Variants in F5 observed in about 807,000 individuals in gnomAD.
F5 encodes the protein coagulation factor V, also known as activated protein c cofactor.
Under a neutral mutation model 216.4 loss-of-function variants are expected in F5, and 138 were observed. That is an observed-to-expected ratio of 0.64 (90% CI 0.56 to 0.73). The LOEUF is 0.73. F5 is among the 30% of genes least tolerant of loss of function. The pLI is 0.00. For synonymous variants in F5, 916 were observed against 930.7 expected, an observed-to-expected ratio of 0.98 and a Z score of 0.29; for missense variants, 2,403 against 2,674.0, an observed-to-expected ratio of 0.90 and a Z score of 2.24.
At position 169,512,845 on chromosome 1, in the gene F5, A is replaced by G. The variant is rs1364090260; in HGVS notation, c.*1468T>C. 2.0e-5 allele frequency among the ~76,000 whole-genome samples: 3 copies of G among 152,060 alleles called. No homozygotes were observed. The highest frequency in any genetic ancestry group is 6.6e-5 in the Admixed American group (1 of 15,238). ...CTCCCAGTGAATTATGCCTCCTGGTATGTGGTCCTTATGCAGTTCCCTTCT... is the reference window on the plus strand; with the variant it reads ...CTCCCAGTGAATTATGCCTCCTGGTGTGTGGTCCTTATGCAGTTCCCTTCT... On this transcript the variant is annotated 3_prime_UTR_variant, in exon 25 of 25. Coordinates refer to ENST00000367797, the MANE Select transcript of F5 (RefSeq NM_000130.5).
chr1:169,550,373 AT>A (rs1660141157), intron 9 of F5, among the ~76,000 whole-genome samples: 1 of 146,664 alleles, frequency 6.8e-6, no homozygotes, highest in South Asian at 2.1e-4. Flanking sequence ...TTCTTTAAAT[AT>A]TCTACTTGGA....
chr1:169,582,595 A>G, intron 1 of F5, 73 bp from the exon 2 acceptor site: 1 of 763,958 alleles, frequency 1.3e-6, no homozygotes. Context: ...AAAAAAGTAG[A>G]TCTCTCATAT....
At chr1:169,532,215 T>C (rs1659607497) in intron 14 of F5, among the ~76,000 whole-genome samples, 1 of 152,174 alleles carries the variant, frequency 6.6e-6, no homozygotes, top group African/African-American at 2.4e-5. Context: ...ATAGGAGCCA[T>C]CTATGACAAA....
At chr1:169,567,593 T>A (rs1660635401) in intron 3 of F5, among the ~76,000 whole-genome samples, 1 of 151,738 alleles carries the variant, frequency 6.6e-6, no homozygotes, top group African/African-American at 2.4e-5. Flanking sequence ...TGCTCAAAAT[T>A]ATCAGCAAAA....
At chr1:169,534,604 G>T (rs1294335912) in intron 14 of F5, among the ~76,000 whole-genome samples, 2 of 151,726 alleles carry the variant, frequency 1.3e-5, no homozygotes, top group East Asian at 3.9e-4. Flanking sequence ...GGAGGCAGAG[G>T]TTGCAGTGAG....
At chr1:169,534,494 C>G (rs1015243920) in intron 14 of F5, among the ~76,000 whole-genome samples, 2 of 151,966 alleles carry the variant, frequency 1.3e-5, no homozygotes. Flanking sequence ...ATGGTAAAAC[C>G]CTGTCTCTAC....
Position 169,542,395 on chromosome 1 carries a change from C to G in F5, c.2695G>C (p.Gly899Arg). The G allele has an allele frequency of 6.2e-7, 1 of 1,614,058 alleles. No individual in the cohort carries two copies. Among genetic ancestry groups the G allele is most frequent in the Non-Finnish European group, 8.5e-7 (1 of 1,179,978 alleles). ...CAGGGCCTCATTCCGGAAGGAGAAC[C>G]AGTGTCTTGGCTTAGGTGTCTCCCA... ...KVGRHLSQDT[G>R]SPSGMRPWED... The change falls in exon 13 of 25, where the codon GGT (glycine) becomes CGT (arginine). Residue 899 changes from glycine to arginine, a missense_variant. Physicochemically the swap from Gly to Arg is moderately radical, Grantham distance 125 (BLOSUM62 -2). Around this residue, in one of 4 missense-constraint regions of F5, gnomAD observed 1,425 missense variants for 1,554.8 expected, o/e 0.92. Transcript: ENST00000367797.
In F5 at chr1:169,542,720, G is replaced by A. The variant is rs2101820142; in HGVS notation, c.2370C>T (p.Asn790=). 1 of 1,614,108 alleles carries A rather than the reference G, an allele frequency of 6.2e-7. No individual in the cohort carries two copies. Among genetic ancestry groups the A allele is most frequent in the East Asian group, 2.2e-5 (1 of 44,878 alleles). ...PSNISKFTVN[N]LAEPQKAPSH... ...AAGGGGCTTTCTGAGGTTCTGCAAG[G>A]TTATTGACAGTGAACTTACTAATAT... Residue 790 remains asparagine (N), a synonymous_variant, in exon 13 of 25, where the codon AAC becomes AAT. Coordinates refer to ENST00000367797, the MANE Select transcript of F5 (RefSeq NM_000130.5).
chr1:169,556,256 CTTTCTACAACTTA>C (rs1660321864), intron 6 of F5, among the ~76,000 whole-genome samples: 1 of 151,830 alleles, frequency 6.6e-6, no homozygotes, highest in Admixed American at 6.6e-5. Context: ...AACTTTTACA[CTTTCTACAACTTA>C]GTGCTTCTGT....
chr1:169,566,580 G>A (rs1660605165), intron 3 of F5, among the ~76,000 whole-genome samples: 1 of 150,502 alleles, frequency 6.6e-6, no homozygotes, highest in Non-Finnish European at 1.5e-5. Context: ...CTAGATAGTG[G>A]GAGAAAGCAC....
In F5 at chr1:169,540,581, T is replaced by C. The variant is rs139307328; in HGVS notation, c.4509A>G (p.Leu1503=). Residue 1503 remains leucine, a synonymous_variant, in exon 13 of 25, where the codon CTA becomes CTG. Transcript: ENST00000367797. ...PSSPTLNDTF[L]SKEFNPLVIV... is the part of the protein sequence containing the mutation. ...TAACCAGTGGATTAAATTCCTTTGA[T>C]AGAAAAGTATCATTGAGAGTAGGAG... 4.2e-5 allele frequency: 67 copies of C among 1,614,008 alleles called. No individual in the cohort carries two copies. In the African/African-American group the frequency reaches 7.9e-4, roughly 19 times the overall value.
rs369516642 is a variant in F5 at position 169,530,817 on chromosome 1, C to T, written c.5177G>A (p.Arg1726Gln). The T allele has an allele frequency of 8.9e-5, 144 of 1,613,740 alleles. No homozygotes were observed. The highest frequency in any genetic ancestry group is 1.6e-4 in the Middle Eastern group (1 of 6,078). ...CACAGCTGAGTAGTAGGCCCAAGCC[C>T]GACAGGCAGAGCCAGGACTTTCTGG... ...SGPESPGSAC[R>Q]AWAYYSAVNP... The change falls in exon 15 of 25, where the codon CGG (arginine) becomes CAG (glutamine). Residue 1726 changes from arginine (R) to glutamine (Q), a missense_variant. Physicochemically the swap from Arg to Gln is conservative, Grantham distance 43. Around this residue, in one of 4 missense-constraint regions of F5, gnomAD observed 659 missense variants for 787.9 expected, o/e 0.84. Transcript: ENST00000367797.
At chr1:169,560,960 G>T (rs1342549813) in intron 3 of F5, among the ~76,000 whole-genome samples, 194 bp from the exon 4 acceptor site, 1 of 152,108 alleles carries the variant, frequency 6.6e-6, no homozygotes, top group African/African-American at 2.4e-5. Flanking sequence ...TTGATAACAT[G>T]GTGATCTTAA....
intron 3 of F5, among the ~76,000 whole-genome samples, chr1:169,566,410 T>C (rs1660601911): frequency 6.6e-6 from 1 of 152,066 alleles, no homozygotes; most frequent in African/African-American, 2.4e-5. Context: ...TCTGGGTAAA[T>C]GTGTGCTCAT....
At chr1:169,552,079 A>C (rs9332583) in intron 8 of F5, among the ~76,000 whole-genome samples, 9,786 of 152,286 alleles carry the variant, frequency 0.064, 453 homozygotes, top group Admixed American at 0.11. Flanking sequence ...GAATTTTATC[A>C]AGGATGCCAT....
intron 23 of F5, among the ~76,000 whole-genome samples, chr1:169,517,165 T>C (rs1219104167): frequency 6.6e-6 from 1 of 152,206 alleles, no homozygotes; most frequent in Non-Finnish European, 1.5e-5. Context: ...CTGCTTCAAA[T>C]GGTGGAAGGA....
intron 7 of F5, among the ~76,000 whole-genome samples, chr1:169,554,622 G>T (rs1390586170): frequency 6.6e-6 from 1 of 152,162 alleles, no homozygotes; most frequent in Admixed American, 6.5e-5. Flanking sequence ...GATACATATT[G>T]CCAAGTTATT....
At position 169,540,638 on chromosome 1, in the gene F5, A is replaced by G. The variant is rs756026998; in HGVS notation, c.4452T>C (p.Tyr1484=). ...GAGATGGCATCTGACCAAGGTCTGG[A>G]TAAGGAAAAGACTCATTAAATTCTT... ...LLQEFNESFP[Y]PDLGQMPSPS... is the part of the protein sequence containing the mutation. Residue 1484 remains tyrosine (Y), a synonymous_variant, in exon 13 of 25, where the codon TAT becomes TAC. Coordinates refer to ENST00000367797, the MANE Select transcript of F5 (RefSeq NM_000130.5). 2.5e-6 allele frequency: 4 copies of G among 1,613,964 alleles called. No homozygotes were observed. The highest frequency in any genetic ancestry group is 1.1e-5 in the South Asian group (1 of 91,066).
chr1:169,520,441 A>T lies in F5; in HGVS notation c.6193+79T>A, dbSNP rs1192479145. On this transcript the variant is annotated intron_variant, in intron 22 of 24. Transcript: ENST00000367797. ...CCTAAGTCACTGAAAAGAACTAAAA[A>T]TTCTACTCATTCTCCTATACCTCCC... The T allele has an allele frequency of 4.4e-6, 7 of 1,575,752 alleles. No homozygotes were observed. In the African/African-American group the frequency reaches 9.4e-5, roughly 21 times the overall value.
Sources: gnomAD v4.1 joint callset for allele counts (sites outside exome capture counted in the v4.1 genomes callset) on GRCh38, gnomAD v4.1.1 for gene constraint, gnomAD v4.1.1 regional missense constraint, MANE v1.5 for transcripts, NCBI Gene and HGNC (gene_info 2026-07-23, HGNC 2026-07-21) for gene names.